Variants in SPMIP2 observed in about 807,000 individuals in gnomAD.
SPMIP2 encodes the protein protein SPMIP2.
the SPMIP2 span, among the ~76,000 whole-genome samples, chr4:158,984,837 T>G: frequency 1.3e-5 from 2 of 151,314 alleles, no homozygotes; most frequent in African/African-American, 4.9e-5. Context: ...AATTAATGAA[T>G]CCAGAAGCTG....
the SPMIP2 span, among the ~76,000 whole-genome samples, chr4:158,988,454 A>T: frequency 1.4e-4 from 21 of 152,144 alleles, no homozygotes; most frequent in African/African-American, 5.1e-4. Flanking sequence ...GAAAAAGGCC[A>T]ATATCCCTGA....
At chr4:158,893,382 A>G in the SPMIP2 span, 1 of 255,596 alleles carries the variant, frequency 3.9e-6, no homozygotes, top group South Asian at 1.3e-4. Flanking sequence ...CCTATCTCCT[A>G]TGGTTATGAA....
the SPMIP2 span, chr4:159,026,625 G>A: frequency 3.0e-6 from 1 of 329,292 alleles, no homozygotes; most frequent in Non-Finnish European, 5.7e-6. Flanking sequence ...TCATTACTGT[G>A]TTCAATTATC....
the SPMIP2 span, chr4:158,915,491 A>C: frequency 1.3e-6 from 1 of 774,276 alleles, no homozygotes; most frequent in South Asian, 1.9e-5. Flanking sequence ...AGGAAAGCTG[A>C]AGACCTGACC....
At chr4:158,931,576 T>C in the SPMIP2 span, among the ~76,000 whole-genome samples, 1 of 151,674 alleles carries the variant, frequency 6.6e-6, no homozygotes, top group South Asian at 2.1e-4. Flanking sequence ...TCATCATCAT[T>C]ATTATTATTG....
chr4:158,963,601 T>C, the SPMIP2 span, among the ~76,000 whole-genome samples: 70,987 of 152,044 alleles, frequency 0.47, 17,728 homozygotes, highest in African/African-American at 0.65. Flanking sequence ...GGCAGAATTC[T>C]AGGAGAGCAC....
At chr4:159,008,468 C>T in the SPMIP2 span, among the ~76,000 whole-genome samples, 2 of 152,102 alleles carry the variant, frequency 1.3e-5, no homozygotes, top group African/African-American at 4.8e-5. Context: ...ACTCAGGAGG[C>T]TAAGGCAGGA....
At chr4:158,952,355 T>C in the SPMIP2 span, among the ~76,000 whole-genome samples, 13 of 152,210 alleles carry the variant, frequency 8.5e-5, no homozygotes, top group East Asian at 3.8e-4. Flanking sequence ...GGGGTGGTTT[T>C]CCCCATATTG....
chr4:158,980,111 C>T, the SPMIP2 span, among the ~76,000 whole-genome samples: 3 of 152,154 alleles, frequency 2.0e-5, no homozygotes, highest in African/African-American at 7.2e-5. Flanking sequence ...GAGCAGCACC[C>T]TCCACAGCTC....
At chr4:158,916,361 G>A in the SPMIP2 span, among the ~76,000 whole-genome samples, 2 of 152,164 alleles carry the variant, frequency 1.3e-5, no homozygotes, top group African/African-American at 4.8e-5. Context: ...AAGAGAGGAC[G>A]AGGTAATGTT....
the SPMIP2 span, among the ~76,000 whole-genome samples, chr4:159,035,931 A>G: frequency 2.6e-5 from 4 of 152,162 alleles, no homozygotes; most frequent in Non-Finnish European, 5.9e-5. Context: ...TGTCTATTTT[A>G]TCGACCTCCC....
At chr4:158,893,902 G>A in the SPMIP2 span, among the ~76,000 whole-genome samples, 1 of 152,112 alleles carries the variant, frequency 6.6e-6, no homozygotes, top group Non-Finnish European at 1.5e-5. Context: ...GCACTTACTA[G>A]TGTGAATGAC....
the SPMIP2 span, among the ~76,000 whole-genome samples, chr4:158,988,178 C>T: frequency 1.3e-5 from 2 of 152,118 alleles, no homozygotes; most frequent in African/African-American, 4.8e-5. Context: ...TACACCCTCC[C>T]AAGTCTAAAG....
At chr4:159,011,181 T>G in the SPMIP2 span, among the ~76,000 whole-genome samples, 1 of 152,212 alleles carries the variant, frequency 6.6e-6, no homozygotes, top group African/African-American at 2.4e-5. Context: ...CAATCTGTCT[T>G]TCAACTGAAG....
At chr4:158,993,237 T>C in the SPMIP2 span, among the ~76,000 whole-genome samples, 1 of 152,040 alleles carries the variant, frequency 6.6e-6, no homozygotes, top group Admixed American at 6.6e-5. Flanking sequence ...GCCCATGGCA[T>C]GCCCGGGTAG....
At chr4:159,007,634 T>G in the SPMIP2 span, 2 of 905,118 alleles carry the variant, frequency 2.2e-6, no homozygotes, top group Non-Finnish European at 3.5e-6. Flanking sequence ...AACGTCGGGA[T>G]GCTGTGGCCA....
chr4:158,914,547 G>A, the SPMIP2 span, among the ~76,000 whole-genome samples: 615 of 152,244 alleles, frequency 4.0e-3, 10 homozygotes, highest in Non-Finnish European at 7.6e-3. Context: ...TGAAAAACTG[G>A]ACGCCTGCAA....
chr4:158,975,291 TGTTTA>T, the SPMIP2 span, among the ~76,000 whole-genome samples: 3 of 152,296 alleles, frequency 2.0e-5, no homozygotes, highest in East Asian at 1.9e-4. Context: ...GTATAGAAAC[TGTTTA>T]GTTTAATTAG....
the SPMIP2 span, among the ~76,000 whole-genome samples, chr4:159,024,119 C>T: frequency 6.6e-6 from 1 of 152,206 alleles, no homozygotes; most frequent in African/African-American, 2.4e-5. Context: ...ACCTCTCCTG[C>T]AATCCTGTCC....
Sources: gnomAD v4.1 joint callset for allele counts (sites outside exome capture counted in the v4.1 genomes callset) on GRCh38, gnomAD v4.1.1 for gene constraint, MANE v1.5 for transcripts, NCBI Gene and HGNC (gene_info 2026-07-23, HGNC 2026-07-21) for gene names.